Variants in DAPK1 observed in about 807,000 individuals in gnomAD.
DAPK1 encodes the protein death-associated protein kinase 1.
A neutral mutation model predicts 144.9 loss-of-function variants in DAPK1; 56 were observed. That is an observed-to-expected ratio of 0.39 (90% CI 0.31 to 0.48). The LOEUF is 0.48. DAPK1 is among the 20% of genes least tolerant of loss of function. DAPK1 has a pLI of 0.95. For missense variants in DAPK1, 1,454 were observed against 1,875.4 expected (o/e 0.78, Z 4.15); for synonymous variants, 690 against 749.0 (o/e 0.92, Z 1.29).
At chr9:87,522,169 A>G (rs1825322143) in intron 2 of DAPK1, among the ~76,000 whole-genome samples, 1 of 152,228 alleles carries the variant, frequency 6.6e-6, no homozygotes, top group African/African-American at 2.4e-5. Context: ...GTAGTCACCA[A>G]CAATACTTAA....
At chr9:87,667,543 T>G (rs1347744069) in intron 18 of DAPK1, among the ~76,000 whole-genome samples, 1 of 152,138 alleles carries the variant, frequency 6.6e-6, no homozygotes, top group African/African-American at 2.4e-5. Context: ...GTTGGCAAGA[T>G]TGAGCAACAG....
At chr9:87,653,496 C>T (rs998626965) in intron 17 of DAPK1, among the ~76,000 whole-genome samples, 14 of 151,706 alleles carry the variant, frequency 9.2e-5, no homozygotes, top group African/African-American at 2.4e-4. Context: ...ATGGAAATCC[C>T]GTGTGTGTGT....
intron 21 of DAPK1, among the ~76,000 whole-genome samples, chr9:87,692,631 T>G (rs1179460933): frequency 1.3e-5 from 2 of 152,178 alleles, no homozygotes; most frequent in Non-Finnish European, 2.9e-5. Flanking sequence ...CTTAATATGT[T>G]TCCTCTACCA....
At chr9:87,511,489 G>A (rs530439575) in intron 2 of DAPK1, among the ~76,000 whole-genome samples, 1 of 152,272 alleles carries the variant, frequency 6.6e-6, no homozygotes, top group African/African-American at 2.4e-5. Flanking sequence ...AGGAAGCAGA[G>A]ACAACTAAAA....
intron 8 of DAPK1, 77 bp downstream of exon 8, chr9:87,640,527 G>C: frequency 1.3e-6 from 2 of 1,481,866 alleles, no homozygotes; most frequent in Non-Finnish European, 1.8e-6. Flanking sequence ...CCATGCACAG[G>C]GCCACGTTCC....
Position 87,639,784 on chromosome 9 carries a change from T to A in DAPK1, c.603-5T>A, listed in dbSNP as rs757158405. ...GTTTTTTTGTTTGTTTTGTGTTGTT[T>A]TTAGGAGTATCGGGGTAATAACCTA... is the stretch of plus-strand genomic sequence containing the variant. On this transcript the variant is annotated splice_region_variant and splice_polypyrimidine_tract_variant and intron_variant, in intron 6 of 25. Transcript: ENST00000408954. The A allele has an allele frequency of 6.2e-7, 1 of 1,613,850 alleles. No homozygotes were observed. The highest frequency in any genetic ancestry group is 1.1e-5 in the South Asian group (1 of 91,080).
chr9:87,624,559 T>G (rs921765371), intron 3 of DAPK1, among the ~76,000 whole-genome samples: 3 of 152,154 alleles, frequency 2.0e-5, no homozygotes, highest in Non-Finnish European at 1.5e-5. Context: ...TGCCAAAGGG[T>G]TTGCAGCCAT....
At chr9:87,609,573 G>A (rs1019446153) in intron 3 of DAPK1, among the ~76,000 whole-genome samples, 6 of 152,090 alleles carry the variant, frequency 3.9e-5, no homozygotes, top group African/African-American at 1.4e-4. Context: ...ATCTGTCCAG[G>A]AGAAACAGTC....
intron 2 of DAPK1, among the ~76,000 whole-genome samples, chr9:87,583,360 C>A (rs1827821861): frequency 6.6e-6 from 1 of 152,152 alleles, no homozygotes; most frequent in Non-Finnish European, 1.5e-5. Flanking sequence ...TGTTCCTCAG[C>A]ATATTTAAAC....
chr9:87,601,580 T>TA (rs756098636), intron 2 of DAPK1, among the ~76,000 whole-genome samples: 1 of 151,886 alleles, frequency 6.6e-6, no homozygotes, highest in East Asian at 1.9e-4. Flanking sequence ...TGGGGGGTAA[T>TA]ACTGCATCAC....
chr9:87,499,474 T>G, intron 2 of DAPK1: 7 of 355,166 alleles, frequency 2.0e-5, no homozygotes, highest in East Asian at 4.1e-5. Context: ...TAATTGCAAT[T>G]GGAGTTAGCT....
Position 87,706,127 on chromosome 9 carries a change from C to T in DAPK1, c.3061-5C>T, listed in dbSNP as rs769245245. Reference sequence around the variant, plus strand: ...TAAGCGTGACTTTCTGTTGTCCCCCCGCAGATCAACATCATGCAAAGTGAA... The same window carrying T: ...TAAGCGTGACTTTCTGTTGTCCCCCTGCAGATCAACATCATGCAAAGTGAA... On this transcript the variant is annotated splice_region_variant and splice_polypyrimidine_tract_variant and intron_variant, in intron 25 of 25. Transcript: ENST00000408954. The surrounding 1 kb of genome is among the most constrained non-coding windows in gnomAD (Gnocchi z 9.0). 1.3e-5 allele frequency: 21 copies of T among 1,576,030 alleles called. No homozygotes were observed. Among genetic ancestry groups the T allele is most frequent in the East Asian group, 2.3e-5 (1 of 44,222 alleles).
At position 87,707,448 on chromosome 9, in the gene DAPK1, G is replaced by T; in HGVS notation, c.*84G>T. On this transcript the variant is annotated 3_prime_UTR_variant, in exon 26 of 26. Transcript: ENST00000408954. This position sits in a 1 kb window ranked among gnomAD's most constrained non-coding sequence, Gnocchi z 4.0. ...GCCCATCCTTCCCTTTGGAGATGCT[G>T]AGGGTGTTTCTTCCTGCACCCACAG... 1.0e-6 allele frequency: 1 copy of T among 969,286 alleles called. No individual in the cohort carries two copies. Among genetic ancestry groups the T allele is most frequent in the Non-Finnish European group, 1.5e-6 (1 of 652,070 alleles). The allele number at this position is 969,286 out of a possible 1,614,324, so 60.0% of individuals were successfully genotyped here.
At chr9:87,547,553 C>T (rs528243033) in intron 2 of DAPK1, among the ~76,000 whole-genome samples, 215 of 146,886 alleles carry the variant, frequency 1.5e-3, no homozygotes, top group African/African-American at 5.4e-3. Flanking sequence ...GAAACAGAAC[C>T]ATAAGTGTGT....
In DAPK1 at chr9:87,499,232, C is replaced by T. The variant is rs564751538; in HGVS notation, c.62+93C>T. On this transcript the variant is annotated intron_variant, in intron 2 of 25. Transcript: ENST00000408954. ...GTAAACAAATGCAGTTTGAATCAGG[C>T]GTCTCCCTCGCCCTTTCTGGAGATG... 4.5e-6 allele frequency: 5 copies of T among 1,119,924 alleles called. No individual in the cohort carries two copies. In the African/African-American group the frequency reaches 4.6e-5, roughly 10 times the overall value. 69.4% of individuals were successfully genotyped at this position (1,119,924 alleles called of 1,614,324 possible). A position where few individuals can be genotyped will look rare whatever the true frequency, so the allele number is the denominator to read the frequency against.
At chr9:87,594,278 CACAA>C (rs886493153) in intron 2 of DAPK1, among the ~76,000 whole-genome samples, 10 of 152,128 alleles carry the variant, frequency 6.6e-5, no homozygotes, top group African/African-American at 2.2e-4. Context: ...GCTTTACAGA[CACAA>C]ACAAACAGCA....
At chr9:87,500,767 T>A (rs916625387) in intron 2 of DAPK1, among the ~76,000 whole-genome samples, 5 of 152,160 alleles carry the variant, frequency 3.3e-5, no homozygotes, top group African/African-American at 1.2e-4. Flanking sequence ...CACTAGCACT[T>A]TGATTTGCTC....
At chr9:87,638,614 C>G (rs6560009) in intron 4 of DAPK1, among the ~76,000 whole-genome samples, 1 of 152,092 alleles carries the variant, frequency 6.6e-6, no homozygotes, top group Non-Finnish European at 1.5e-5. Flanking sequence ...AGGGAAGACA[C>G]GACAGGAGCA....
At chr9:87,497,816 G>A, upstream of DAPK1, 1 of 378,208 alleles carries the variant, frequency 2.6e-6, no homozygotes. Context: ...GTCCCCATTG[G>A]CCGCCTGCCG....
Sources: allele counts gnomAD v4.1 joint callset (sites outside exome capture counted in the v4.1 genomes callset), GRCh38; gene constraint gnomAD v4.1.1; non-coding constraint Gnocchi (gnomAD v3.1); transcripts MANE v1.5; gene names NCBI Gene and HGNC (gene_info 2026-07-23, HGNC 2026-07-21).